The following TRANK1 variants were observed in gnomAD, a reference collection of about 807,000 sequenced individuals.
TRANK1 encodes tetratricopeptide repeat and ankyrin repeat containing 1, also known as TPR and ankyrin repeat-containing protein 1.
In TRANK1, 198 loss-of-function variants were observed where a neutral mutation model predicts 266.0. That is an observed-to-expected ratio of 0.74 (90% CI 0.66 to 0.84). The LOEUF (loss-of-function observed/expected upper bound fraction) is 0.84, where lower values mean the gene tolerates loss of function less well. Among genes scored for constraint, TRANK1 ranks in the 40% least tolerant of loss-of-function variants. TRANK1 has a pLI of 0.00. For synonymous variants in TRANK1, 1,396 were observed against 1,384.1 expected, an observed-to-expected ratio of 1.01 and a Z score of -0.19; for missense variants, 3,326 against 3,634.6, an observed-to-expected ratio of 0.92 and a Z score of 2.18.
At position 36,865,023 on chromosome 3, in the gene TRANK1, G is replaced by T. The variant is rs1255052392; in HGVS notation, c.1079-543C>A. ...TTTTTGGGGGTTTTTTTGTTTTTTT[G>T]GTTTTTTTTTTTTTTTTTTTTTGAG... On this transcript the variant is annotated intron_variant, in intron 9 of 23. Transcript: ENST00000645898. 2.4e-3 allele frequency among the ~76,000 whole-genome samples: 307 copies of T among 126,300 alleles called. 4 individuals carry two copies. The highest frequency in any genetic ancestry group is 7.9e-3 in the African/African-American group (273 of 34,526). The allele number at this position is 126,300 out of a possible 152,430, so 82.9% of individuals were successfully genotyped here.
intron 15 of TRANK1, chr3:36,850,252 A>G (rs1391132985): frequency 2.0e-6 from 2 of 985,350 alleles, no homozygotes; most frequent in Non-Finnish European, 2.4e-6. Context: ...TCCAGGGTTA[A>G]TGAGTGTGCA....
At chr3:36,913,303 G>A (rs900472795) in intron 1 of TRANK1, among the ~76,000 whole-genome samples, 4 of 151,974 alleles carry the variant, frequency 2.6e-5, no homozygotes, top group African/African-American at 7.3e-5. Context: ...CGGCCGCCTC[G>A]TGTCCCAAAG....
In TRANK1 at chr3:36,856,336, C is replaced by T. The variant is rs765620225; in HGVS notation, c.3386G>A (p.Gly1129Asp). The T allele has an allele frequency of 1.9e-6, 3 of 1,573,864 alleles. No individual in the cohort carries two copies. Among genetic ancestry groups the T allele is most frequent in the Non-Finnish European group, 1.7e-6 (2 of 1,159,726 alleles). ...CTCTTCCTCCTCCTCTTCCTCCCCA[C>T]CTGGACTCTCTTTTCCGGGTTCCAC... is the stretch of plus-strand genomic sequence containing the variant. ...LEVEPGKESP[G>D]GEEEEEEEDE... Residue 1129 changes from glycine (G) to aspartate (D), a missense_variant, in exon 13 of 24, where the codon GGT (glycine) becomes GAT (aspartate). By Grantham distance (94) the Gly-to-Asp change is moderately conservative. Transcript: ENST00000645898.
intron 9 of TRANK1, among the ~76,000 whole-genome samples, chr3:36,870,358 G>T (rs1482693376): frequency 6.6e-6 from 1 of 151,532 alleles, no homozygotes; most frequent in Non-Finnish European, 1.5e-5. Context: ...AGTGAGCAGA[G>T]ATTCTGCCAT....
chr3:36,879,923 AACATGCAAAT>A (rs1559449387), intron 8 of TRANK1, among the ~76,000 whole-genome samples: 1 of 42,184 alleles, frequency 2.4e-5, no homozygotes. Context: ...AATATATGTA[AACATGCAAAT>A]ATATGTAAAC....
rs116831129 is a variant in TRANK1, at chr3:36,856,439, G to A, written c.3283C>T (p.His1095Tyr). ...TGCTCAGCTTTTTCCCAGTAAACGT[G>A]GAATTTCTTCCACAATCTGTACAAG... The part of the protein sequence containing the change: ...CCLYRLWKKF[H>Y]VYWEKAEQAG... The change falls in exon 13 of 24, where the codon CAC (histidine) becomes TAC (tyrosine). Residue 1095 changes from histidine to tyrosine, a missense_variant. By Grantham distance (83) the His-to-Tyr change is moderately conservative (BLOSUM62 2). Transcript: ENST00000645898. The A allele has an allele frequency of 1.2e-3, 1,975 of 1,613,912 alleles. 5 individuals carry two copies. Among genetic ancestry groups the A allele is most frequent in the Non-Finnish European group, 1.4e-3 (1,652 of 1,179,864 alleles).
intron 8 of TRANK1, among the ~76,000 whole-genome samples, chr3:36,888,596 G>A (rs1299737923): frequency 6.6e-6 from 1 of 152,130 alleles, no homozygotes; most frequent in Non-Finnish European, 1.5e-5. Flanking sequence ...AACAAGCCTC[G>A]CTGGGCTCCT....
intron 18 of TRANK1, among the ~76,000 whole-genome samples, chr3:36,841,337 T>C (rs923537139): frequency 1.3e-5 from 2 of 152,218 alleles, no homozygotes; most frequent in Non-Finnish European, 1.5e-5. Context: ...AGAAAGATGG[T>C]GATCTTTCCA....
chr3:36,831,502 A>G lies in TRANK1; in HGVS notation c.8081T>C (p.Met2694Thr), dbSNP rs1292540195. The G allele has an allele frequency of 6.2e-7, 1 of 1,613,288 alleles. No individual in the cohort carries two copies. Among genetic ancestry groups the G allele is most frequent in the Admixed American group, 1.7e-5 (1 of 59,908 alleles). The change falls in exon 22 of 24, where the codon ATG becomes ACG. Residue 2694 changes from methionine (M) to threonine (T), a missense_variant. Physicochemically the swap from Met to Thr is moderately conservative, Grantham distance 81. Transcript: ENST00000645898. The surrounding 1 kb of genome is among the most constrained non-coding windows in gnomAD (Gnocchi z 5.0). ...TCGGTCTTCTAATGCCAGTTCATCC[A>G]TCTCATCCTGGCCAAACTCACACTC... ...EPECEFGQDEMDELALEDRDH... is the reference protein window; with the variant it reads ...EPECEFGQDETDELALEDRDH...
Position 36,879,675 on chromosome 3 carries a change from TATATAAATATATAAATATATAAATATAA to T in TRANK1, c.908-5407_908-5380del, listed in dbSNP as rs2079454814. Among the ~76,000 whole-genome samples the T allele has an allele frequency of 2.1e-5, 2 of 96,630 alleles. 1 individual carries two copies. The highest frequency in any genetic ancestry group is 1.0e-4 in the African/African-American group (2 of 19,804). The allele number at this position is 96,630 out of a possible 152,430, so 63.4% of individuals were successfully genotyped here. On this transcript the variant is annotated intron_variant, in intron 8 of 23. Coordinates refer to ENST00000645898, the MANE Select transcript of TRANK1 (RefSeq NM_001329998.2). ...ATATAAATATATAAATATATATAAA[TATATAAATATATAAATATATAAATATAA>T]ATATAAATATATAAATATATAAATA...
chr3:36,847,661 A>G (rs1451494062), intron 15 of TRANK1, among the ~76,000 whole-genome samples: 2 of 152,224 alleles, frequency 1.3e-5, no homozygotes, highest in African/African-American at 4.8e-5. Context: ...TACAATCAGT[A>G]TGGACAGGGG....
Position 36,832,733 on chromosome 3 carries a change from C to T in TRANK1, c.6850G>A (p.Glu2284Lys). 1 of 1,613,984 alleles carries T rather than the reference C, an allele frequency of 6.2e-7. No homozygotes were observed. The highest frequency in any genetic ancestry group is 1.3e-5 in the African/African-American group (1 of 75,046). Reference protein sequence around the residue: ...PKHFHQRVLSENPMACKEILK... With the variant: ...PKHFHQRVLSKNPMACKEILK... Reference sequence around the variant, plus strand: ...ATTTCTTTGCATGCCATGGGGTTTTCTGACAACACTCTCTGATGGAAATGC... The same window carrying T: ...ATTTCTTTGCATGCCATGGGGTTTTTTGACAACACTCTCTGATGGAAATGC... The change falls in exon 22 of 24, where the codon GAA becomes AAA. Residue 2284 changes from glutamate (E) to lysine (K), a missense_variant. Coordinates refer to ENST00000645898, the MANE Select transcript of TRANK1 (RefSeq NM_001329998.2).
chr3:36,867,115 C>A (rs2079238492), intron 9 of TRANK1, among the ~76,000 whole-genome samples: 1 of 152,090 alleles, frequency 6.6e-6, no homozygotes, highest in African/African-American at 2.4e-5. Context: ...CAATATCTGG[C>A]TAGCATCCCT....
At chr3:36,905,159 G>C (rs1368932594) in intron 2 of TRANK1, among the ~76,000 whole-genome samples, 1 of 151,968 alleles carries the variant, frequency 6.6e-6, no homozygotes, top group Non-Finnish European at 1.5e-5. Context: ...GTGGTGGCAG[G>C]TGCCTGTAGT....
intron 4 of TRANK1, among the ~76,000 whole-genome samples, chr3:36,898,481 A>G (rs1275666759): frequency 6.6e-6 from 1 of 152,022 alleles, no homozygotes; most frequent in Non-Finnish European, 1.5e-5. Context: ...GAAAAATTAC[A>G]GGAAAGAGCA....
chr3:36,879,683 TATATAAATATATAA>T lies in TRANK1; in HGVS notation c.908-5401_908-5388del, dbSNP rs1239366158. On this transcript the variant is annotated intron_variant, in intron 8 of 23. Coordinates refer to ENST00000645898, the MANE Select transcript of TRANK1 (RefSeq NM_001329998.2). ...ATATAAATATATATAAATATATAAA[TATATAAATATATAA>T]ATATAAATATAAATATATAAATATA... is the stretch of plus-strand genomic sequence containing the variant. 2.7e-4 allele frequency among the ~76,000 whole-genome samples: 27 copies of T among 98,820 alleles called. 8 individuals are homozygous for T. The East Asian group carries it at 8.3e-3, about 30-fold the overall frequency. The allele number at this position is 98,820 out of a possible 152,430, so 64.8% of individuals were successfully genotyped here. A position where few individuals can be genotyped will look rare whatever the true frequency, so the allele number is the denominator to read the frequency against.
intron 1 of TRANK1, among the ~76,000 whole-genome samples, chr3:36,923,404 C>A (rs540353412): frequency 6.6e-6 from 1 of 151,904 alleles, no homozygotes; most frequent in African/African-American, 2.4e-5. Context: ...TACAGGCGTG[C>A]GCCACCACGC....
intron 8 of TRANK1, among the ~76,000 whole-genome samples, chr3:36,881,408 C>T (rs574528216): frequency 6.6e-6 from 1 of 151,908 alleles, no homozygotes; most frequent in Non-Finnish European, 1.5e-5. Flanking sequence ...GAGATCGCAC[C>T]ACTGCACTCC....
chr3:36,850,951 G>A, intron 15 of TRANK1: 4 of 985,536 alleles, frequency 4.1e-6, no homozygotes, highest in South Asian at 9.4e-5. Flanking sequence ...CCCCAGAGAA[G>A]ACCCCACAGT....
Sources: gnomAD v4.1 joint callset for allele counts (sites outside exome capture counted in the v4.1 genomes callset) on GRCh38, gnomAD v4.1.1 for gene constraint, Gnocchi (gnomAD v3.1) non-coding constraint, MANE v1.5 for transcripts, NCBI Gene and HGNC (gene_info 2026-07-23, HGNC 2026-07-21) for gene names.